The following RC3H1 variants were observed in gnomAD, a reference collection of about 807,000 sequenced individuals.
RC3H1 encodes ring finger and CCCH-type domains 1.
RC3H1 carries 50 observed loss-of-function variants against 138.2 expected under a neutral mutation model. The observed-to-expected ratio is 0.36, with a 90% CI of 0.29 to 0.46. The LOEUF (loss-of-function observed/expected upper bound fraction) is 0.46, where lower values mean the gene tolerates loss of function less well. Ranked by LOEUF, RC3H1 falls within the 20% of genes least tolerant of loss-of-function variation. The pLI is 1.00. For missense variants in RC3H1, 1,031 were observed against 1,388.1 expected (o/e 0.74, Z 4.09); for synonymous variants, 462 against 489.1 (o/e 0.94, Z 0.73).
chr1:173,966,688 C>G (rs1446791587), intron 9 of RC3H1, among the ~76,000 whole-genome samples: 2 of 151,580 alleles, frequency 1.3e-5, no homozygotes, highest in Non-Finnish European at 2.9e-5. Flanking sequence ...GCACTCCAGC[C>G]TGGGCGACAG....
rs1336523325 is a variant in RC3H1 at position 173,932,562 on chromosome 1, AAGC to A, written c.*6156_*6158del. On this transcript the variant is annotated 3_prime_UTR_variant, in exon 20 of 20. Transcript: ENST00000367696. ...TAAAAAAGTTCCTTTTATTCCCAGG[AAGC>A]AGGGAAGAGGAAAAAGGATGAACAG... is the stretch of plus-strand genomic sequence containing the variant. The A allele has an allele frequency of 6.6e-6, 1 of 152,130 alleles. No individual in the cohort carries two copies. The highest frequency in any genetic ancestry group is 1.5e-5 in the Non-Finnish European group (1 of 67,992). The allele number at this position is 152,130 out of a possible 1,614,324, so 9.4% of individuals were successfully genotyped here. A position where few individuals can be genotyped will look rare whatever the true frequency, so the allele number is the denominator to read the frequency against.
intron 1 of RC3H1, among the ~76,000 whole-genome samples, chr1:174,009,714 T>C (rs886836248): frequency 1.3e-5 from 2 of 152,138 alleles, no homozygotes; most frequent in Non-Finnish European, 2.9e-5. Flanking sequence ...GGCACGCGTC[T>C]GTAGTCTCAG....
At chr1:173,958,436 TG>T (rs1191062407) in intron 13 of RC3H1, among the ~76,000 whole-genome samples, 2 of 151,592 alleles carry the variant, frequency 1.3e-5, no homozygotes, top group Non-Finnish European at 2.9e-5. Context: ...TACCAGTTAC[TG>T]GGGGAGGCTG....
At chr1:174,019,485 A>C (rs1487837072) in intron 1 of RC3H1, among the ~76,000 whole-genome samples, 2 of 152,204 alleles carry the variant, frequency 1.3e-5, no homozygotes, top group Non-Finnish European at 2.9e-5. Flanking sequence ...CATTCTTCAT[A>C]TGAAAAAATG....
intron 1 of RC3H1, among the ~76,000 whole-genome samples, chr1:174,003,818 C>A (rs536676123): frequency 6.6e-6 from 1 of 151,778 alleles, no homozygotes; most frequent in African/African-American, 2.4e-5. Context: ...CCCGCCACCA[C>A]GCCCTACTAA....
chr1:173,957,465 A>G (rs569977856), intron 13 of RC3H1, among the ~76,000 whole-genome samples: 6 of 152,206 alleles, frequency 3.9e-5, no homozygotes, highest in Non-Finnish European at 8.8e-5. Context: ...ATTGTTTTCC[A>G]TATTTCTTAT....
At chr1:173,985,937 T>C (rs1332850370) in intron 2 of RC3H1, among the ~76,000 whole-genome samples, 1 of 152,252 alleles carries the variant, frequency 6.6e-6, no homozygotes, top group African/African-American at 2.4e-5. Context: ...GTAAACTTTA[T>C]TTTGTAGAAC....
At chr1:173,977,146 G>A (rs1345365064) in intron 7 of RC3H1, among the ~76,000 whole-genome samples, 51 of 152,072 alleles carry the variant, frequency 3.4e-4, no homozygotes, top group Non-Finnish European at 7.4e-5. Context: ...GGATGGTCTC[G>A]ATCTCCTGAC....
intron 15 of RC3H1, among the ~76,000 whole-genome samples, chr1:173,947,146 A>G (rs1659171159): frequency 6.6e-6 from 1 of 152,122 alleles, no homozygotes; most frequent in South Asian, 2.1e-4. Flanking sequence ...TGGAGTGGGG[A>G]AGAAACATTA....
At chr1:174,013,131 C>CT (rs1661797782) in intron 1 of RC3H1, among the ~76,000 whole-genome samples, 1 of 151,928 alleles carries the variant, frequency 6.6e-6, no homozygotes, top group South Asian at 2.1e-4. Flanking sequence ...AATAATGGTT[C>CT]TTTGGGGGAG....
chr1:173,983,654 A>G lies in RC3H1; in HGVS notation c.356T>C (p.Val119Ala), dbSNP rs765688028. 1.9e-6 allele frequency: 3 copies of G among 1,613,488 alleles called. No homozygotes were observed. Among genetic ancestry groups the G allele is most frequent in the Non-Finnish European group, 1.7e-6 (2 of 1,179,774 alleles). ...YLKPLSSARG[V>A]GLNSTTQSVL... is the part of the protein sequence containing the mutation. ...ACTCTGAGTAGTGCTGTTCAGACCC[A>G]CTCCTTTAAAAGAGTAAAGAAGTTA... Residue 119 changes from valine (V) to alanine (A), a missense_variant, in exon 4 of 20, where the codon GTG becomes GCG. By Grantham distance (64) the Val-to-Ala change is moderately conservative. Around this residue, in one of 7 missense-constraint regions of RC3H1, gnomAD observed 80 missense variants for 81.1 expected, o/e 0.99. Coordinates refer to ENST00000367696, the MANE Select transcript of RC3H1 (RefSeq NM_172071.4).
chr1:173,993,119 A>G lies in RC3H1; in HGVS notation c.-134T>C. On this transcript the variant is annotated 5_prime_UTR_variant, in exon 2 of 20. An upstream start codon of the reference 5' UTR is lost. Transcript: ENST00000367696. ...TATCTTCTGTAGATACAGTCAGCACATAGTGTGAAATATAACCTGAAAATA... is the reference window on the plus strand; with the variant it reads ...TATCTTCTGTAGATACAGTCAGCACGTAGTGTGAAATATAACCTGAAAATA... 1 of 631,832 alleles carries G rather than the reference A, an allele frequency of 1.6e-6. No individual in the cohort carries two copies. The highest frequency in any genetic ancestry group is 2.8e-6 in the Non-Finnish European group (1 of 361,930). 39.1% of individuals were successfully genotyped at this position (631,832 alleles called of 1,614,324 possible). A position where few individuals can be genotyped will look rare whatever the true frequency, so the allele number is the denominator to read the frequency against.
At chr1:173,963,753 C>T (rs557887874) in intron 11 of RC3H1, among the ~76,000 whole-genome samples, 56 of 152,070 alleles carry the variant, frequency 3.7e-4, no homozygotes, top group Non-Finnish European at 6.5e-4. Context: ...TATTATGCAA[C>T]TGCTTTTAGT....
At chr1:173,975,486 C>T (rs1007650551) in intron 7 of RC3H1, among the ~76,000 whole-genome samples, 1 of 152,058 alleles carries the variant, frequency 6.6e-6, no homozygotes, top group African/African-American at 2.4e-5. Flanking sequence ...ATACGTACTA[C>T]TTTATGTGCC....
chr1:174,015,509 T>C (rs2103107012), intron 1 of RC3H1, among the ~76,000 whole-genome samples: 1 of 151,926 alleles, frequency 6.6e-6, no homozygotes, highest in African/African-American at 2.4e-5. Context: ...GGATTACAGG[T>C]GCCTGCCACC....
At chr1:173,984,767 C>T (rs1660956575) in intron 2 of RC3H1, 148 bp from the exon 3 acceptor site, 1 of 795,872 alleles carries the variant, frequency 1.3e-6, no homozygotes, top group Admixed American at 3.3e-5. Flanking sequence ...TTCCTATTAA[C>T]ATGTATCTTT....
At chr1:173,962,587 T>G (rs747444712) in intron 11 of RC3H1, among the ~76,000 whole-genome samples, 14 of 152,204 alleles carry the variant, frequency 9.2e-5, no homozygotes, top group Non-Finnish European at 1.6e-4. Flanking sequence ...GTTTTCCAAC[T>G]TTTGCCTCAA....
intron 1 of RC3H1, among the ~76,000 whole-genome samples, chr1:174,001,774 T>A (rs1661568930): frequency 6.6e-6 from 1 of 152,122 alleles, no homozygotes; most frequent in Non-Finnish European, 1.5e-5. Flanking sequence ...AATTTACCGA[T>A]TAAGCAAAAA....
chr1:173,944,472 A>T (rs1659047306), intron 17 of RC3H1, among the ~76,000 whole-genome samples: 1 of 152,204 alleles, frequency 6.6e-6, no homozygotes, highest in Admixed American at 6.5e-5. Context: ...AATGTAAATG[A>T]CGAGTTAATG....
Sources: gnomAD v4.1 joint callset for allele counts (sites outside exome capture counted in the v4.1 genomes callset) on GRCh38, gnomAD v4.1.1 for gene constraint, gnomAD v4.1.1 regional missense constraint, MANE v1.5 for transcripts, NCBI Gene and HGNC (gene_info 2026-07-23, HGNC 2026-07-21) for gene names.